The following APP variants were observed in gnomAD, a reference collection of about 807,000 sequenced individuals.
The protein encoded by APP is amyloid-beta precursor protein.
A neutral mutation model predicts 101.4 loss-of-function variants in APP; 31 were observed. The ratio of observed to expected loss-of-function variants is 0.31; its 90% confidence interval spans 0.23 to 0.41. The LOEUF (loss-of-function observed/expected upper bound fraction) is 0.41. Among genes scored for constraint, APP ranks in the 10% least tolerant of loss-of-function variants. APP has a pLI of 1.00. For synonymous variants in APP, 366 were observed against 364.4 expected, an observed-to-expected ratio of 1.00 and a Z score of -0.05; for missense variants, 839 against 1,003.7, an observed-to-expected ratio of 0.84 and a Z score of 2.22.
chr21:26,142,791 G>GAA (rs11405152), intron 1 of APP, among the ~76,000 whole-genome samples: 6 of 150,704 alleles, frequency 4.0e-5, no homozygotes, highest in East Asian at 2.0e-4. Flanking sequence ...AAGAAAAAGT[G>GAA]AAAAAAAACA....
intron 13 of APP, among the ~76,000 whole-genome samples, chr21:25,936,114 T>C (rs1339365988): frequency 6.6e-6 from 1 of 152,208 alleles, no homozygotes. Context: ...CCAACTGCTA[T>C]GGATCGAACT....
intron 15 of APP, among the ~76,000 whole-genome samples, chr21:25,904,756 A>G (rs1465186699): frequency 2.3e-4 from 32 of 140,050 alleles, no homozygotes; most frequent in Non-Finnish European, 3.0e-5. Flanking sequence ...AAGAAAAAAG[A>G]AAAAAAAAAA....
chr21:26,153,600 C>G (rs2063321459), intron 1 of APP, among the ~76,000 whole-genome samples: 1 of 152,136 alleles, frequency 6.6e-6, no homozygotes, highest in South Asian at 2.1e-4. Flanking sequence ...CGACAGTCAC[C>G]ATGCCAGCCA....
At chr21:25,995,009 ATGGAAAGG>A (rs1415159455) in intron 8 of APP, among the ~76,000 whole-genome samples, 2 of 152,230 alleles carry the variant, frequency 1.3e-5, no homozygotes, top group African/African-American at 4.8e-5. Flanking sequence ...TCCTCCTAGA[ATGGAAAGG>A]TGTCAGGATC....
chr21:26,126,720 C>T (rs7364107), intron 1 of APP, among the ~76,000 whole-genome samples: 5,791 of 152,120 alleles, frequency 0.038, 348 homozygotes, highest in African/African-American at 0.13. Context: ...CCCCACCCAA[C>T]ATAAACAATT....
At position 25,905,070 on chromosome 21, in the gene APP, A is replaced by G; in HGVS notation, c.1917T>C (p.Pro639=). The G allele has an allele frequency of 6.2e-7, 1 of 1,613,974 alleles. No homozygotes were observed. Residue 639 remains proline, a synonymous_variant, in exon 15 of 18, where the codon CCT becomes CCC. Coordinates refer to ENST00000346798, the MANE Select transcript of APP (RefSeq NM_000484.4). ...GGTCGGCAGCAGGGCGGGCATCAACAGGCTCAACTGGGCACAGGAAGCAAG... is the reference window on the plus strand; with the variant it reads ...GGTCGGCAGCAGGGCGGGCATCAACGGGCTCAACTGGGCACAGGAAGCAAG... ...VPANTENEVE[P]VDARPAADRG... is the part of the protein sequence containing the mutation.
chr21:25,973,326 C>A (rs928367175), intron 11 of APP, among the ~76,000 whole-genome samples: 1 of 151,992 alleles, frequency 6.6e-6, no homozygotes, highest in African/African-American at 2.4e-5. Flanking sequence ...ATGCTGCCTA[C>A]AAAAAATACA....
chr21:26,159,150 G>C (rs2063434742), intron 1 of APP, among the ~76,000 whole-genome samples: 1 of 152,040 alleles, frequency 6.6e-6, no homozygotes, highest in African/African-American at 2.4e-5. Flanking sequence ...TGGCACGATG[G>C]CTCACTGCAA....
chr21:26,091,741 G>A (rs1256591549), intron 2 of APP, among the ~76,000 whole-genome samples: 1 of 152,018 alleles, frequency 6.6e-6, no homozygotes, highest in East Asian at 1.9e-4. Flanking sequence ...GGAAGAGAAA[G>A]GAAGAGTGGT....
chr21:26,134,521 C>A (rs1448846426), intron 1 of APP, among the ~76,000 whole-genome samples: 2 of 152,200 alleles, frequency 1.3e-5, no homozygotes, highest in African/African-American at 4.8e-5. Context: ...GGAAGAGATG[C>A]ACGGGGTGAG....
chr21:25,893,199 G>A lies in APP; in HGVS notation c.2065-1331C>T, dbSNP rs189386775. 4.6e-5 allele frequency among the ~76,000 whole-genome samples: 7 copies of A among 152,262 alleles called. No homozygotes were observed. The East Asian group carries it at 1.4e-3, about 29-fold the overall frequency. On this transcript the variant is annotated intron_variant, in intron 16 of 17. Coordinates refer to ENST00000346798, the MANE Select transcript of APP (RefSeq NM_000484.4). ...AAGACAGCAAACTAAATCAATAAAT[G>A]TTGTGTGTGTTCTGTCTGCCCCCCA...
intron 2 of APP, among the ~76,000 whole-genome samples, chr21:26,092,647 G>T (rs1568964587): frequency 1.3e-5 from 2 of 152,206 alleles, no homozygotes; most frequent in South Asian, 2.1e-4. Flanking sequence ...AATGTATACC[G>T]CCAAGAGTGA....
At chr21:26,154,463 T>C (rs1299277920) in intron 1 of APP, among the ~76,000 whole-genome samples, 1 of 152,144 alleles carries the variant, frequency 6.6e-6, no homozygotes, top group Non-Finnish European at 1.5e-5. Context: ...TCATCTCATA[T>C]ATGTATAATA....
chr21:26,010,224 A>C lies in APP; in HGVS notation c.866-10042T>G, dbSNP rs139066431. Among the ~76,000 whole-genome samples the C allele has an allele frequency of 4.1e-3, 621 of 152,162 alleles. 8 individuals are homozygous for C. The highest frequency in any genetic ancestry group is 0.013 in the African/African-American group (548 of 41,526). The stretch of plus-strand genomic sequence containing the variant: ...GAATTCCTTTTGAACAAAAAAAAAA[A>C]AAAACAAAACAAAACTAGGAAAGCA... On this transcript the variant is annotated intron_variant, in intron 6 of 17. Transcript: ENST00000346798.
chr21:26,125,031 A>C (rs1177716878), intron 1 of APP, among the ~76,000 whole-genome samples: 1 of 152,236 alleles, frequency 6.6e-6, no homozygotes, highest in Non-Finnish European at 1.5e-5. Flanking sequence ...AGCTCTCAGG[A>C]AAGAGTGACT....
chr21:25,951,803 A>G (rs1037188296), intron 13 of APP, among the ~76,000 whole-genome samples: 3 of 152,212 alleles, frequency 2.0e-5, no homozygotes, highest in Non-Finnish European at 4.4e-5. Context: ...CTCTAATAAC[A>G]TTTGGCTTAA....
intron 11 of APP, among the ~76,000 whole-genome samples, chr21:25,971,282 G>A (rs1272277627): frequency 6.6e-6 from 1 of 152,126 alleles, no homozygotes; most frequent in South Asian, 2.1e-4. Context: ...TCTTGACCTC[G>A]TGATCCGCCC....
intron 2 of APP, among the ~76,000 whole-genome samples, chr21:26,095,685 G>A (rs2061926003): frequency 6.6e-6 from 1 of 152,144 alleles, no homozygotes; most frequent in African/African-American, 2.4e-5. Flanking sequence ...ACTACTGTAA[G>A]TATCGGTTCA....
At chr21:26,043,495 T>G (rs1443056612) in intron 5 of APP, among the ~76,000 whole-genome samples, 1 of 151,752 alleles carries the variant, frequency 6.6e-6, no homozygotes, top group Non-Finnish European at 1.5e-5. Flanking sequence ...CCTCCCAAAG[T>G]GCTGGGATTA....
Sources: gnomAD v4.1 joint callset for allele counts (sites outside exome capture counted in the v4.1 genomes callset) on GRCh38, gnomAD v4.1.1 for gene constraint, MANE v1.5 for transcripts, NCBI Gene and HGNC (gene_info 2026-07-23, HGNC 2026-07-21) for gene names.